FRY: variants seen among roughly 807,000 people sequenced by gnomAD.
FRY encodes protein furry homolog.
FRY carries 128 observed loss-of-function variants against 348.4 expected under a neutral mutation model. The ratio of observed to expected loss-of-function variants is 0.37; its 90% CI spans 0.32 to 0.43. The LOEUF is 0.43. FRY is among the 20% of genes least tolerant of loss of function. The pLI is 1.00. For missense variants in FRY, 2,736 were observed against 3,695.2 expected, an observed-to-expected ratio of 0.74 and a Z score of 6.73; for synonymous variants, 1,370 against 1,374.7, an observed-to-expected ratio of 1.00 and a Z score of 0.08.
intron 32 of FRY, 77 bp from the exon 33 acceptor site, chr13:32,209,507 CA>C (rs1349261365): frequency 6.9e-7 from 1 of 1,441,606 alleles, no homozygotes; most frequent in African/African-American, 1.4e-5. Context: ...TCATGACCCT[CA>C]AAACTACTTT....
chr13:32,214,641 G>A (rs1162538651), intron 35 of FRY, among the ~76,000 whole-genome samples: 1 of 152,172 alleles, frequency 6.6e-6, no homozygotes, highest in Non-Finnish European at 1.5e-5. Context: ...GGAAATAGGA[G>A]AAATGTCATA....
chr13:32,230,728 C>T (rs961598460), intron 40 of FRY, among the ~76,000 whole-genome samples: 2 of 152,158 alleles, frequency 1.3e-5, no homozygotes, highest in South Asian at 2.1e-4. Context: ...TTTGAGGAAT[C>T]GCCACACTGT....
At chr13:32,243,181 G>C (rs1014318382) in intron 46 of FRY, among the ~76,000 whole-genome samples, 1 of 152,072 alleles carries the variant, frequency 6.6e-6, no homozygotes, top group African/African-American at 2.4e-5. Context: ...CTATTAAAAA[G>C]ACAATTGTGT....
chr13:32,144,449 A>G (rs988669698), intron 11 of FRY, among the ~76,000 whole-genome samples: 2 of 151,548 alleles, frequency 1.3e-5, no homozygotes, highest in Non-Finnish European at 2.9e-5. Context: ...TAGTACTTGA[A>G]TAGACAGACT....
Position 32,188,064 on chromosome 13 carries a change from T to C in FRY, c.3591+408T>C, listed in dbSNP as rs111506469. ...GAAGAATAATGAAAGTACTATATCCTAAACTTGTGGGCTGTAAGTAAAGCC... is the reference window on the plus strand; with the variant it reads ...GAAGAATAATGAAAGTACTATATCCCAAACTTGTGGGCTGTAAGTAAAGCC... On this transcript the variant is annotated intron_variant, in intron 28 of 60. Transcript: ENST00000542859. 4.4e-3 allele frequency among the ~76,000 whole-genome samples: 677 copies of C among 152,250 alleles called. 5 individuals carry two copies. Among genetic ancestry groups the C allele is most frequent in the African/African-American group, 0.016 (660 of 41,562 alleles).
intron 8 of FRY, among the ~76,000 whole-genome samples, chr13:32,133,178 G>C (rs1449963869): frequency 6.6e-6 from 1 of 152,084 alleles, no homozygotes; most frequent in Non-Finnish European, 1.5e-5. Context: ...ATGTTAAATG[G>C]GTGAATTGCA....
chr13:32,043,746 T>A (rs1244494113), intron 1 of FRY, among the ~76,000 whole-genome samples: 1 of 152,206 alleles, frequency 6.6e-6, no homozygotes, highest in Non-Finnish European at 1.5e-5. Context: ...ACCAAAAAAT[T>A]CTGTATTGCT....
intron 11 of FRY, among the ~76,000 whole-genome samples, chr13:32,144,253 C>T (rs1195154086): frequency 1.3e-5 from 2 of 148,416 alleles, no homozygotes; most frequent in African/African-American, 5.1e-5. Flanking sequence ...ATGTGTGCTT[C>T]TAAAAAGCCA....
chr13:32,276,646 T>A, intron 57 of FRY, 84 bp downstream of exon 57: 1 of 789,492 alleles, frequency 1.3e-6, no homozygotes, highest in East Asian at 2.4e-5. Context: ...GGGGTTGTGA[T>A]TAACTTAAGA....
chr13:32,109,265 T>A (rs1165969722), intron 3 of FRY, among the ~76,000 whole-genome samples: 1 of 152,158 alleles, frequency 6.6e-6, no homozygotes, highest in Non-Finnish European at 1.5e-5. Flanking sequence ...TGACACATAC[T>A]AGGATCTGTG....
rs1882586822 is a variant in FRY, at chr13:32,179,723, T to C, written c.2920T>C (p.Leu974=). 5.0e-6 allele frequency: 8 copies of C among 1,613,586 alleles called. No homozygotes were observed. The highest frequency in any genetic ancestry group is 4.2e-6 in the Non-Finnish European group (5 of 1,179,498). ...AGTTCTGTTAAAGCAGTTGGTGCCTTTGATGAGACTAGAGAGCATTGAGAT... is the reference window on the plus strand; with the variant it reads ...AGTTCTGTTAAAGCAGTTGGTGCCTCTGATGAGACTAGAGAGCATTGAGAT... ...VGVLLKQLVP[L]MRLESIEITE... The change falls in exon 23 of 61, where the codon TTG becomes CTG. Residue 974 remains leucine (L), a synonymous_variant. Transcript: ENST00000542859.
intron 30 of FRY, 101 bp from the exon 31 acceptor site, chr13:32,202,255 A>T: frequency 1.1e-6 from 1 of 945,372 alleles, no homozygotes; most frequent in Non-Finnish European, 1.7e-6. Flanking sequence ...AATGGGAATT[A>T]ATTAATTTTG....
chr13:32,233,719 A>G (rs1037613702), intron 41 of FRY, among the ~76,000 whole-genome samples: 18 of 152,246 alleles, frequency 1.2e-4, no homozygotes, highest in African/African-American at 4.3e-4. Flanking sequence ...AAAAAGTAGT[A>G]CAGAAGAATA....
intron 4 of FRY, among the ~76,000 whole-genome samples, chr13:32,121,890 T>C (rs1451547010): frequency 6.6e-6 from 1 of 152,204 alleles, no homozygotes; most frequent in African/African-American, 2.4e-5. Context: ...AATGTTATCT[T>C]CTAGAATTTT....
At chr13:32,124,096 C>T (rs1878873028) in intron 4 of FRY, among the ~76,000 whole-genome samples, 190 bp from the exon 5 acceptor site, 1 of 152,112 alleles carries the variant, frequency 6.6e-6, no homozygotes, top group African/African-American at 2.4e-5. Context: ...CCTCGGCCTC[C>T]CAAAGTGCTG....
chr13:32,082,853 G>C (rs1044551397), intron 2 of FRY, among the ~76,000 whole-genome samples: 2 of 151,914 alleles, frequency 1.3e-5, no homozygotes, highest in Non-Finnish European at 2.9e-5. Flanking sequence ...TTTTTTCCCT[G>C]TTTACTTTTA....
At chr13:32,089,734 C>T (rs1202130911) in intron 2 of FRY, among the ~76,000 whole-genome samples, 1 of 151,982 alleles carries the variant, frequency 6.6e-6, no homozygotes, top group Non-Finnish European at 1.5e-5. Flanking sequence ...CCACTCCAGC[C>T]TAAGTGACAG....
chr13:32,092,329 C>A, intron 2 of FRY, among the ~76,000 whole-genome samples: 1 of 152,194 alleles, frequency 6.6e-6, no homozygotes, highest in Non-Finnish European at 1.5e-5. Context: ...TATCAGACTC[C>A]CTCTAGACTT....
At chr13:32,113,814 T>C (rs1248891247) in intron 3 of FRY, among the ~76,000 whole-genome samples, 1 of 152,150 alleles carries the variant, frequency 6.6e-6, no homozygotes, top group Non-Finnish European at 1.5e-5. Context: ...ATTCCACCCT[T>C]CCTTCCTGAA....
Sources: allele counts gnomAD v4.1 joint callset (sites outside exome capture counted in the v4.1 genomes callset), GRCh38; gene constraint gnomAD v4.1.1; transcripts MANE v1.5; gene names NCBI Gene and HGNC (gene_info 2026-07-23, HGNC 2026-07-21).